VPS54: variants seen among roughly 807,000 people sequenced by gnomAD.
The protein encoded by VPS54 is VPS54 subunit of GARP complex.
A neutral mutation model predicts 121.5 loss-of-function variants in VPS54; 45 were observed. The ratio of observed to expected loss-of-function variants is 0.37; its 90% CI spans 0.29 to 0.47. The LOEUF (loss-of-function observed/expected upper bound fraction) is 0.47. Ranked by LOEUF, VPS54 falls within the 20% of genes least tolerant of loss-of-function variation. VPS54 has a pLI of 0.99. For synonymous variants in VPS54, 371 were observed against 385.8 expected (o/e 0.96, Z 0.45); for missense variants, 1,090 against 1,131.4 (o/e 0.96, Z 0.52).
chr2:63,957,022 TG>T (rs1457205285), intron 7 of VPS54, among the ~76,000 whole-genome samples: 2 of 152,174 alleles, frequency 1.3e-5, no homozygotes, highest in African/African-American at 4.8e-5. Context: ...CTTAAGCATT[TG>T]AATGCCATTA....
chr2:64,013,652 A>ATC (rs1314527497), intron 1 of VPS54, among the ~76,000 whole-genome samples: 1 of 145,464 alleles, frequency 6.9e-6, no homozygotes, highest in South Asian at 2.1e-4. Flanking sequence ...CAATATATAG[A>ATC]TATATATTGA....
chr2:63,986,539 A>G (rs949092768), intron 1 of VPS54, among the ~76,000 whole-genome samples: 1 of 152,196 alleles, frequency 6.6e-6, no homozygotes, highest in African/African-American at 2.4e-5. Context: ...TTCCAAATCG[A>G]GGCTATTGTG....
At chr2:63,904,464 A>AAAAG (rs1672822280) in intron 20 of VPS54, among the ~76,000 whole-genome samples, 6 of 148,500 alleles carry the variant, frequency 4.0e-5, no homozygotes, top group East Asian at 1.9e-4. Context: ...AAAAAAAAAA[A>AAAAG]GGGAGATCAC....
intron 20 of VPS54, among the ~76,000 whole-genome samples, chr2:63,906,518 G>A (rs1489883034): frequency 6.6e-6 from 1 of 152,200 alleles, no homozygotes; most frequent in Non-Finnish European, 1.5e-5. Context: ...AAAGATGTAA[G>A]GAGTAAAGAG....
intron 1 of VPS54, among the ~76,000 whole-genome samples, chr2:63,988,526 A>G (rs1006870366): frequency 2.0e-5 from 3 of 152,222 alleles, no homozygotes; most frequent in African/African-American, 7.2e-5. Context: ...AATTTCATGG[A>G]CATTTGTTAG....
In VPS54 at chr2:63,904,537, AG is replaced by A. The variant is rs542047342; in HGVS notation, c.2626-4957del. 1.6e-3 allele frequency among the ~76,000 whole-genome samples: 241 copies of A among 152,128 alleles called. 2 individuals carry two copies. Among genetic ancestry groups the A allele is most frequent in the African/African-American group, 5.5e-3 (228 of 41,524 alleles). On this transcript the variant is annotated intron_variant, in intron 20 of 22. Coordinates refer to ENST00000272322, the MANE Select transcript of VPS54 (RefSeq NM_016516.3). ...GCATGTATCCAGCAATAGAACTTCA[AG>A]ATACATATAACAAAAACTTGCAAAG...
intron 22 of VPS54, among the ~76,000 whole-genome samples, chr2:63,894,334 A>C (rs1356275219): frequency 2.6e-5 from 4 of 152,206 alleles, no homozygotes; most frequent in Non-Finnish European, 5.9e-5. Flanking sequence ...AAAGATCTTC[A>C]GTATGGCATG....
rs1164355621 is a variant in VPS54 at position 63,913,743 on chromosome 2, A to G, written c.2335-433T>C. ...CGTACTGGTAGTTTAAAATATCTCAATATGAAATGGCTGAATAAAATCATC... is the reference window on the plus strand; with the variant it reads ...CGTACTGGTAGTTTAAAATATCTCAGTATGAAATGGCTGAATAAAATCATC... On this transcript the variant is annotated intron_variant, in intron 17 of 22. Transcript: ENST00000272322. 21 of 675,208 alleles carry G rather than the reference A, an allele frequency of 3.1e-5. No individual in the cohort carries two copies. In the Admixed American group the frequency reaches 1.2e-3, roughly 38 times the overall value. The allele number at this position is 675,208 out of a possible 1,614,324, so 41.8% of individuals were successfully genotyped here.
chr2:63,957,470 CT>C (rs1358668953), intron 7 of VPS54, among the ~76,000 whole-genome samples: 2 of 150,986 alleles, frequency 1.3e-5, no homozygotes, highest in African/African-American at 2.4e-5. Flanking sequence ...AATTTATGTC[CT>C]AATAATTAAA....
In VPS54 at chr2:63,918,265, CAT is replaced by C. The variant is rs375799446; in HGVS notation, c.2165-1304_2165-1303del. ...AGTAGTTCATGTTTCAAACAAAACA[CAT>C]GAGTAATTCAATTATTCCACATTTA... On this transcript the variant is annotated intron_variant, in intron 15 of 22. Coordinates refer to ENST00000272322, the MANE Select transcript of VPS54 (RefSeq NM_016516.3). Among the ~76,000 whole-genome samples, 19 of 152,130 alleles carry C rather than the reference CAT, an allele frequency of 1.2e-4. No homozygotes were observed. The East Asian group carries it at 1.9e-3, about 15-fold the overall frequency.
At position 63,892,259 on chromosome 2, in the gene VPS54, A is replaced by G. The variant is rs1341664584; in HGVS notation, c.*1171T>C. 4.6e-5 allele frequency: 7 copies of G among 152,222 alleles called. No individual in the cohort carries two copies. The highest frequency in any genetic ancestry group is 8.8e-5 in the Non-Finnish European group (6 of 68,030). The allele number at this position is 152,222 out of a possible 1,614,324, so 9.4% of individuals were successfully genotyped here. A position where few individuals can be genotyped will look rare whatever the true frequency, so the allele number is the denominator to read the frequency against. ...TTCCTTTTAAGAAACCAAAGAGCAC[A>G]AAATAAGACTGTTTCATTATACATA... On this transcript the variant is annotated 3_prime_UTR_variant, in exon 23 of 23. Coordinates refer to ENST00000272322, the MANE Select transcript of VPS54 (RefSeq NM_016516.3).
intron 11 of VPS54, among the ~76,000 whole-genome samples, chr2:63,941,831 C>G (rs187145353): frequency 6.6e-6 from 1 of 151,880 alleles, no homozygotes; most frequent in Admixed American, 6.6e-5. Flanking sequence ...GTCAGGAGTT[C>G]GAGACCAGCC....
At chr2:64,017,293 C>T (rs1218381787) in intron 1 of VPS54, among the ~76,000 whole-genome samples, 2 of 149,290 alleles carry the variant, frequency 1.3e-5, no homozygotes, top group African/African-American at 2.5e-5. Flanking sequence ...GCCAAGATAG[C>T]GCCACTGCAC....
At chr2:63,961,268 T>C (rs1227398796) in intron 7 of VPS54, among the ~76,000 whole-genome samples, 1 of 152,212 alleles carries the variant, frequency 6.6e-6, no homozygotes, top group East Asian at 1.9e-4. Context: ...GGTTTCAGCT[T>C]TAAAAATATA....
chr2:63,960,159 G>C (rs927438041), intron 7 of VPS54, among the ~76,000 whole-genome samples: 10 of 152,004 alleles, frequency 6.6e-5, no homozygotes, highest in Non-Finnish European at 1.3e-4. Flanking sequence ...CAGGGGACTG[G>C]GGGTGGGGGC....
intron 1 of VPS54, among the ~76,000 whole-genome samples, chr2:63,987,207 AGATTT>A (rs1326948869): frequency 2.0e-5 from 3 of 152,224 alleles, no homozygotes; most frequent in African/African-American, 7.2e-5. Context: ...TTGAAGTCTT[AGATTT>A]AAGTCTTGCA....
Position 64,006,632 on chromosome 2 carries a change from T to C in VPS54, c.-21+12306A>G, listed in dbSNP as rs528645049. 3.8e-5 allele frequency among the ~76,000 whole-genome samples: 5 copies of C among 130,816 alleles called. No individual in the cohort carries two copies. In the East Asian group the frequency reaches 9.9e-4, roughly 26 times the overall value. The allele number at this position is 130,816 out of a possible 152,430, so 85.8% of individuals were successfully genotyped here. A position where few individuals can be genotyped will look rare whatever the true frequency, so the allele number is the denominator to read the frequency against. ...TTGCAACAACTATTATTATAAACTT[T>C]TTTTTTTTGAGACAGTCTCACTGTC... On this transcript the variant is annotated intron_variant, in intron 1 of 22. Transcript: ENST00000272322.
chr2:63,948,782 A>T (rs1244281322), intron 8 of VPS54, among the ~76,000 whole-genome samples: 1 of 152,212 alleles, frequency 6.6e-6, no homozygotes, highest in Non-Finnish European at 1.5e-5. Flanking sequence ...CTATATCTGT[A>T]TTTTTAACTT....
At chr2:63,939,969 G>T (rs1412747893) in intron 11 of VPS54, among the ~76,000 whole-genome samples, 1 of 152,116 alleles carries the variant, frequency 6.6e-6, no homozygotes, top group Non-Finnish European at 1.5e-5. Context: ...TATTGGCCAG[G>T]ATGGTCTCGA....
Sources: allele counts gnomAD v4.1 joint callset (sites outside exome capture counted in the v4.1 genomes callset), GRCh38; gene constraint gnomAD v4.1.1; transcripts MANE v1.5; gene names NCBI Gene and HGNC (gene_info 2026-07-23, HGNC 2026-07-21).